The following PARG variants were observed in gnomAD, a reference collection of about 807,000 sequenced individuals.
The protein encoded by PARG is mitochondrial poly(ADP-ribose) glycohydrolase.
Under a neutral mutation model 113.0 loss-of-function variants are expected in PARG, and 35 were observed. The ratio of observed to expected loss-of-function variants is 0.31; its 90% CI spans 0.24 to 0.41. The LOEUF is 0.41. PARG is among the 10% of genes least tolerant of loss of function. PARG has a pLI of 1.00. For missense variants in PARG, 797 were observed against 1,169.4 expected, an observed-to-expected ratio of 0.68 and a Z score of 4.64; for synonymous variants, 330 against 409.9, an observed-to-expected ratio of 0.81 and a Z score of 2.36.
chr10:49,820,030 G>A (rs1843994016), intron 17 of PARG, 135 bp downstream of exon 17: 2 of 634,490 alleles, frequency 3.2e-6, no homozygotes, highest in Non-Finnish European at 5.5e-6. Flanking sequence ...CCCCTCTGAG[G>A]GTTTGTCCTT....
At position 49,844,375 on chromosome 10, in the gene PARG, C is replaced by T. The variant is rs1024892744; in HGVS notation, c.2354-743G>A. 3.3e-5 allele frequency among the ~76,000 whole-genome samples: 5 copies of T among 152,004 alleles called. No individual in the cohort carries two copies. The East Asian group carries it at 5.8e-4, about 18-fold the overall frequency. On this transcript the variant is annotated intron_variant, in intron 13 of 17. Transcript: ENST00000616448. ...CAGTGGCTCACGCCTGTAATCCTAG[C>T]GCTTTGGGAGTCCGAGGCTGGTGGA... is the stretch of plus-strand genomic sequence containing the variant.
At chr10:49,860,283 G>A (rs1554835711) in intron 12 of PARG, among the ~76,000 whole-genome samples, 1 of 151,588 alleles carries the variant, frequency 6.6e-6, no homozygotes, top group Non-Finnish European at 1.5e-5. Context: ...GAATTGTATT[G>A]TAATGAAAGG....
intron 13 of PARG, among the ~76,000 whole-genome samples, chr10:49,853,492 T>A (rs1194659723): frequency 1.3e-5 from 2 of 152,124 alleles, no homozygotes; most frequent in African/African-American, 4.8e-5. Flanking sequence ...GTTCTGTAAT[T>A]CCTTGCAATC....
chr10:49,884,605 C>A (rs1250016783), intron 8 of PARG, among the ~76,000 whole-genome samples: 2 of 151,638 alleles, frequency 1.3e-5, no homozygotes, highest in African/African-American at 4.9e-5. Flanking sequence ...GTGGTACATG[C>A]CTATAATCCC....
In PARG at chr10:49,857,428, C is replaced by G; in HGVS notation, c.2231G>C (p.Gly744Ala). The G allele has an allele frequency of 1.2e-6, 2 of 1,612,480 alleles. No individual in the cohort carries two copies. The highest frequency in any genetic ancestry group is 1.7e-6 in the Non-Finnish European group (2 of 1,179,220). ...LQVDFANRFVGGGVTSAGLVQ... is the reference protein window; with the variant it reads ...LQVDFANRFVAGGVTSAGLVQ... The stretch of plus-strand genomic sequence containing the variant: ...AAGTCCTGCACTGGTTACACCACCT[C>G]CAACAAAACGATTTGCAAAATCCAC... The change falls in exon 13 of 18, where the codon GGA becomes GCA. Residue 744 changes from glycine (G) to alanine (A), a missense_variant. By Grantham distance (60) the Gly-to-Ala change is moderately conservative. Transcript: ENST00000616448.
In PARG at chr10:49,828,770, G is replaced by A. The variant is rs150345001; in HGVS notation, c.2647+4033C>T. Among the ~76,000 whole-genome samples, 139 of 152,350 alleles carry A rather than the reference G, an allele frequency of 9.1e-4. 1 individual carries two copies. In the Middle Eastern group the frequency reaches 0.017, roughly 19 times the overall value. On this transcript the variant is annotated intron_variant, in intron 16 of 17. Coordinates refer to ENST00000616448, the MANE Select transcript of PARG (RefSeq NM_003631.5). ...CATGTCTGCAGTCCCAGCTACTTGG[G>A]AGGCTGAAACAGGAGGATCCCTTGA...
intron 15 of PARG, among the ~76,000 whole-genome samples, chr10:49,838,130 C>T (rs187096081): frequency 2.0e-3 from 307 of 152,262 alleles, no homozygotes; most frequent in Non-Finnish European, 3.3e-3. Flanking sequence ...GCAGGATTTA[C>T]ATTTTTAAAA....
chr10:49,928,886 T>C (rs1322956900), intron 4 of PARG, among the ~76,000 whole-genome samples: 2 of 152,252 alleles, frequency 1.3e-5, no homozygotes, highest in African/African-American at 4.8e-5. Flanking sequence ...TAAGTAACTG[T>C]TAATTACATT....
Position 49,819,539 on chromosome 10 carries a change from T to C in PARG, c.2777-45A>G, listed in dbSNP as rs74418277. On this transcript the variant is annotated intron_variant, in intron 17 of 17. Coordinates refer to ENST00000616448, the MANE Select transcript of PARG (RefSeq NM_003631.5). ...ACCAGAGGCACATTAAAGTATGTAA[T>C]TGAAAAAACCTTAGAAAGAACACTC... 76,144 of 1,457,082 alleles carry C rather than the reference T, an allele frequency of 0.052. 2,480 individuals carry two copies. Among genetic ancestry groups the C allele is most frequent in the African/African-American group, 0.13 (8,859 of 70,856 alleles). 90.3% of individuals were successfully genotyped at this position (1,457,082 alleles called of 1,614,324 possible).
chr10:49,934,081 C>G lies in PARG; in HGVS notation c.367G>C (p.Val123Leu). The G allele has an allele frequency of 2.7e-6, 4 of 1,503,160 alleles. No homozygotes were observed. The East Asian group carries it at 9.0e-5, about 34-fold the overall frequency. The allele number at this position is 1,503,160 out of a possible 1,614,324, so 93.1% of individuals were successfully genotyped here. A position where few individuals can be genotyped will look rare whatever the true frequency, so the allele number is the denominator to read the frequency against. Residue 123 changes from valine (V) to leucine (L), a missense_variant, in exon 3 of 18, where the codon GTA becomes CTA. Transcript: ENST00000616448. ...TGAGAAACATTTTCTAATTTTTCTA[C>G]ATTATGTTGGTAAAAGTTATCTTTT... ...VQKDNFYQHNVEKLENVSQLS... is the reference protein window; with the variant it reads ...VQKDNFYQHNLEKLENVSQLS...
chr10:49,864,450 T>C lies in PARG; in HGVS notation c.2129+871A>G, dbSNP rs1246183132. Among the ~76,000 whole-genome samples the C allele has an allele frequency of 2.6e-5, 4 of 151,802 alleles. No homozygotes were observed. The East Asian group carries it at 7.7e-4, about 29-fold the overall frequency. On this transcript the variant is annotated intron_variant, in intron 11 of 17. Transcript: ENST00000616448. ...CAGATATGACTTCTCAAGTTAACGT[T>C]TTTTTAAGTGATTTCCATTCATCAC...
intron 7 of PARG, among the ~76,000 whole-genome samples, chr10:49,913,067 T>C (rs1475359457): frequency 1.3e-5 from 2 of 152,238 alleles, no homozygotes; most frequent in African/African-American, 4.8e-5. Context: ...ATTGTTTCCC[T>C]TGCGCTAAAA....
intron 13 of PARG, among the ~76,000 whole-genome samples, chr10:49,852,738 G>A (rs1280000624): frequency 1.3e-4 from 19 of 151,394 alleles, no homozygotes; most frequent in Non-Finnish European, 2.4e-4. Flanking sequence ...CTAATTTTTT[G>A]TATTTTTAGT....
At chr10:49,890,123 G>T (rs1554841198) in intron 7 of PARG, among the ~76,000 whole-genome samples, 1 of 152,150 alleles carries the variant, frequency 6.6e-6, no homozygotes, top group Non-Finnish European at 1.5e-5. Flanking sequence ...TGATGATAAT[G>T]ATGATTATAA....
intron 7 of PARG, among the ~76,000 whole-genome samples, chr10:49,898,022 G>A (rs1395082740): frequency 1.3e-5 from 2 of 151,902 alleles, no homozygotes; most frequent in Non-Finnish European, 2.9e-5. Context: ...AAAGACATTG[G>A]GACTAGATGC....
intron 7 of PARG, among the ~76,000 whole-genome samples, chr10:49,910,316 T>C (rs1837099047): frequency 6.6e-6 from 1 of 152,234 alleles, no homozygotes; most frequent in Non-Finnish European, 1.5e-5. Context: ...CTATTTTGTA[T>C]GTATGATTTG....
intron 12 of PARG, 87 bp from the exon 13 acceptor site, chr10:49,857,540 T>G (rs1846054184): frequency 9.0e-6 from 6 of 667,318 alleles, no homozygotes; most frequent in Non-Finnish European, 1.5e-5. Context: ...GCTCTCATCT[T>G]TTCCTCTCCC....
rs1472609811 is a variant in PARG, at chr10:49,848,986, G to C, written c.2354-5354C>G. On this transcript the variant is annotated intron_variant, in intron 13 of 17. Transcript: ENST00000616448. Reference sequence around the variant, plus strand: ...CGAGGTGGGCGGATCACCTGAGGTCGGGAGTTCGCGAGCAGCCTGACCAAC... The same window carrying C: ...CGAGGTGGGCGGATCACCTGAGGTCCGGAGTTCGCGAGCAGCCTGACCAAC... Among the ~76,000 whole-genome samples, 3 of 151,802 alleles carry C rather than the reference G, an allele frequency of 2.0e-5. No individual in the cohort carries two copies. In the East Asian group the frequency reaches 5.8e-4, roughly 29 times the overall value.
At chr10:49,835,760 A>T (rs1844887074) in intron 15 of PARG, among the ~76,000 whole-genome samples, 1 of 152,032 alleles carries the variant, frequency 6.6e-6, no homozygotes, top group Non-Finnish European at 1.5e-5. Context: ...TTTACACTTA[A>T]GTAAGATCTT....
Sources: allele counts gnomAD v4.1 joint callset (sites outside exome capture counted in the v4.1 genomes callset), GRCh38; gene constraint gnomAD v4.1.1; transcripts MANE v1.5; gene names NCBI Gene and HGNC (gene_info 2026-07-23, HGNC 2026-07-21).